MVB12B: variants seen among roughly 807,000 people sequenced by gnomAD.
MVB12B encodes ESCRT-I complex subunit MVB12B.
Under a neutral mutation model 41.6 loss-of-function variants are expected in MVB12B, and 16 were observed. The observed-to-expected ratio is 0.38, with a 90% confidence interval of 0.26 to 0.58. The LOEUF is 0.58. Ranked by LOEUF, MVB12B falls within the 20% of genes least tolerant of loss-of-function variation. MVB12B has a pLI of 0.62. For synonymous variants in MVB12B, 133 were observed against 139.7 expected, an observed-to-expected ratio of 0.95 and a Z score of 0.34; for missense variants, 274 against 380.2, an observed-to-expected ratio of 0.72 and a Z score of 2.32.
chr9:126,489,159 T>C (rs1833680699), intron 9 of MVB12B, among the ~76,000 whole-genome samples: 1 of 152,208 alleles, frequency 6.6e-6, no homozygotes, highest in African/African-American at 2.4e-5. Context: ...GGAAGGGGAA[T>C]GAGCCCATTC....
At chr9:126,329,162 G>A (rs1261742345) in intron 1 of MVB12B, among the ~76,000 whole-genome samples, 3 of 152,196 alleles carry the variant, frequency 2.0e-5, no homozygotes, top group African/African-American at 7.2e-5. Context: ...AGGAGCTTGA[G>A]TTTGACTCTC....
intron 6 of MVB12B, among the ~76,000 whole-genome samples, chr9:126,420,483 G>A (rs1281509008): frequency 1.3e-5 from 2 of 150,918 alleles, no homozygotes; most frequent in South Asian, 2.1e-4. Flanking sequence ...CTTGCCCCTG[G>A]AAGGCTCCTT....
chr9:126,429,272 G>C (rs1832267535), intron 7 of MVB12B, among the ~76,000 whole-genome samples: 1 of 152,142 alleles, frequency 6.6e-6, no homozygotes, highest in African/African-American at 2.4e-5. Flanking sequence ...AAGAAAAATA[G>C]AATAAGAAAA....
chr9:126,399,660 C>T (rs1286656072), intron 6 of MVB12B, among the ~76,000 whole-genome samples: 1 of 152,186 alleles, frequency 6.6e-6, no homozygotes, highest in African/African-American at 2.4e-5. Flanking sequence ...CAGGTGGGCT[C>T]ACAACCGCTG....
chr9:126,383,455 T>G (rs1029642546), intron 3 of MVB12B, among the ~76,000 whole-genome samples: 6 of 152,240 alleles, frequency 3.9e-5, no homozygotes, highest in South Asian at 4.1e-4. Context: ...ATAGATTAGG[T>G]AGGGAGGATA....
chr9:126,438,513 G>T (rs981990685), intron 7 of MVB12B, among the ~76,000 whole-genome samples: 2 of 152,192 alleles, frequency 1.3e-5, no homozygotes, highest in African/African-American at 4.8e-5. Context: ...TCCAGGTGGT[G>T]TGTACCCCTA....
intron 2 of MVB12B, among the ~76,000 whole-genome samples, chr9:126,368,095 T>TA (rs1830234030): frequency 6.6e-6 from 1 of 152,252 alleles, no homozygotes; most frequent in South Asian, 2.1e-4. Context: ...GCAACGCCGA[T>TA]ACTTGGCATT....
intron 6 of MVB12B, among the ~76,000 whole-genome samples, chr9:126,405,533 C>T (rs1349578931): frequency 1.3e-5 from 2 of 151,938 alleles, no homozygotes; most frequent in East Asian, 3.9e-4. Context: ...AATGTTTCAC[C>T]TGGGTCTCTC....
intron 6 of MVB12B, among the ~76,000 whole-genome samples, chr9:126,410,271 G>A (rs1038651680): frequency 6.6e-6 from 1 of 152,112 alleles, no homozygotes; most frequent in Admixed American, 6.5e-5. Flanking sequence ...ATTGGTCGTG[G>A]CAAATGGGCT....
rs1830490572 is a variant in MVB12B, at chr9:126,376,680, T to C, written c.205-4384T>C. On this transcript the variant is annotated intron_variant, in intron 2 of 9. Coordinates refer to ENST00000361171, the MANE Select transcript of MVB12B (RefSeq NM_033446.3). This position sits in a 1 kb window ranked among gnomAD's most constrained non-coding sequence, Gnocchi z 4.1. Reference sequence around the variant, plus strand: ...TGCCATTGCCATTCAGTGTGTACGCTTGGTTACTCAATTACCCTCGTTTCC... The same window carrying C: ...TGCCATTGCCATTCAGTGTGTACGCCTGGTTACTCAATTACCCTCGTTTCC... 1 of 1,281,002 alleles carries C rather than the reference T, an allele frequency of 7.8e-7. No homozygotes were observed. 79.4% of individuals were successfully genotyped at this position (1,281,002 alleles called of 1,614,324 possible).
chr9:126,421,157 C>A (rs976958120), intron 6 of MVB12B, among the ~76,000 whole-genome samples: 1 of 152,170 alleles, frequency 6.6e-6, no homozygotes, highest in African/African-American at 2.4e-5. Flanking sequence ...GGATTGTTTA[C>A]TTTTGACTAA....
Position 126,391,944 on chromosome 9 carries a change from C to A in MVB12B, c.410-122C>A. On this transcript the variant is annotated intron_variant, in intron 4 of 9. Transcript: ENST00000361171. The surrounding 1 kb of genome is among the most constrained non-coding windows in gnomAD (Gnocchi z 4.4). The stretch of plus-strand genomic sequence containing the variant: ...GGCAGAGCGCAGCCCTTCTGTCCAG[C>A]AGCTTAGGTGACCTGCCACTTCTGC... The A allele has an allele frequency of 1.7e-6, 2 of 1,159,408 alleles. No homozygotes were observed. Among genetic ancestry groups the A allele is most frequent in the South Asian group, 1.4e-5 (1 of 72,984 alleles). 71.8% of individuals were successfully genotyped at this position (1,159,408 alleles called of 1,614,324 possible). A position where few individuals can be genotyped will look rare whatever the true frequency, so the allele number is the denominator to read the frequency against.
intron 7 of MVB12B, among the ~76,000 whole-genome samples, chr9:126,427,430 G>A (rs1406996698): frequency 6.6e-6 from 1 of 152,050 alleles, no homozygotes; most frequent in Non-Finnish European, 1.5e-5. Flanking sequence ...TAAGGAGAGG[G>A]GCCACCAAGG....
intron 9 of MVB12B, among the ~76,000 whole-genome samples, chr9:126,500,815 C>T (rs1327641051): frequency 1.3e-5 from 2 of 152,206 alleles, no homozygotes; most frequent in Admixed American, 1.3e-4. Flanking sequence ...AGTCAGGCCC[C>T]GAATCTGCTT....
At chr9:126,414,859 G>A (rs1831765050) in intron 6 of MVB12B, among the ~76,000 whole-genome samples, 1 of 151,578 alleles carries the variant, frequency 6.6e-6, no homozygotes, top group Non-Finnish European at 1.5e-5. Flanking sequence ...TTTATTTTGA[G>A]ACTGGATTAT....
rs1184500443 is a variant in MVB12B, at chr9:126,392,058, T to C, written c.410-8T>C. 3.7e-6 allele frequency: 6 copies of C among 1,614,058 alleles called. No individual in the cohort carries two copies. The African/African-American group carries it at 5.3e-5, about 14-fold the overall frequency. On this transcript the variant is annotated splice_polypyrimidine_tract_variant and splice_region_variant and intron_variant, in intron 4 of 9. Coordinates refer to ENST00000361171, the MANE Select transcript of MVB12B (RefSeq NM_033446.3). This position sits in a 1 kb window ranked among gnomAD's most constrained non-coding sequence, Gnocchi z 4.8. The stretch of plus-strand genomic sequence containing the variant: ...AACTCATACCTTTTCTATTGTCCTT[T>C]CCTTCAGAGGAAGTGGCTTTTAGGA...
chr9:126,341,120 C>T (rs113657123), intron 2 of MVB12B, among the ~76,000 whole-genome samples: 28 of 152,308 alleles, frequency 1.8e-4, no homozygotes, highest in Non-Finnish European at 2.9e-4. Flanking sequence ...GGAGAACCCA[C>T]GCTCTGAGAA....
At chr9:126,430,306 G>A (rs557168249) in intron 7 of MVB12B, among the ~76,000 whole-genome samples, 14 of 152,082 alleles carry the variant, frequency 9.2e-5, no homozygotes, top group Admixed American at 2.6e-4. Context: ...AGCCTGGGTC[G>A]CTCCCTGCGT....
At chr9:126,449,747 G>A (rs2119157945) in intron 7 of MVB12B, among the ~76,000 whole-genome samples, 2 of 152,262 alleles carry the variant, frequency 1.3e-5, no homozygotes, top group South Asian at 4.1e-4. Context: ...CCTTACCATG[G>A]AAAAGCAAGT....
Sources: gnomAD v4.1 joint callset for allele counts (sites outside exome capture counted in the v4.1 genomes callset) on GRCh38, gnomAD v4.1.1 for gene constraint, Gnocchi (gnomAD v3.1) non-coding constraint, MANE v1.5 for transcripts, NCBI Gene and HGNC (gene_info 2026-07-23, HGNC 2026-07-21) for gene names.